TMC1: variants seen among roughly 807,000 people sequenced by gnomAD.
The protein encoded by TMC1 is transmembrane channel-like protein 1.
In TMC1, 84 loss-of-function variants were observed where a neutral mutation model predicts 105.8. That is an observed-to-expected ratio of 0.79 (90% confidence interval 0.67 to 0.95). The LOEUF is 0.95. Ranked by LOEUF, TMC1 falls within the 40% of genes least tolerant of loss-of-function variation. The probability of loss-of-function intolerance (pLI) is 0.00; values close to 1 mark genes in which losing one functional copy is unlikely to be tolerated. For missense variants in TMC1, 817 were observed against 914.1 expected, an observed-to-expected ratio of 0.89 and a Z score of 1.37; for synonymous variants, 315 against 311.5, an observed-to-expected ratio of 1.01 and a Z score of -0.12.
At chr9:72,615,503 T>C (rs1335700486) in intron 2 of TMC1, among the ~76,000 whole-genome samples, 2 of 152,198 alleles carry the variant, frequency 1.3e-5, no homozygotes, top group Non-Finnish European at 2.9e-5. Context: ...GTCCCATCTA[T>C]AGTACAAATA....
chr9:72,711,552 C>G (rs1196970429), intron 8 of TMC1, among the ~76,000 whole-genome samples: 1 of 152,170 alleles, frequency 6.6e-6, no homozygotes, highest in African/African-American at 2.4e-5. Flanking sequence ...TGTTGGTTGG[C>G]TGAATAAATG....
intron 1 of TMC1, among the ~76,000 whole-genome samples, chr9:72,531,342 T>A (rs1483052814): frequency 6.6e-6 from 1 of 152,194 alleles, no homozygotes; most frequent in African/African-American, 2.4e-5. Flanking sequence ...TAGACATTGT[T>A]TTTGGCAAAT....
At chr9:72,730,381 A>G (rs767542395) in intron 8 of TMC1, among the ~76,000 whole-genome samples, 24 of 152,142 alleles carry the variant, frequency 1.6e-4, no homozygotes, top group Non-Finnish European at 2.9e-4. Context: ...TGATGCTGCT[A>G]CTGAGGCCTT....
intron 2 of TMC1, among the ~76,000 whole-genome samples, chr9:72,592,072 C>CA (rs1007064111): frequency 6.6e-6 from 1 of 151,832 alleles, no homozygotes; most frequent in East Asian, 1.9e-4. Context: ...ACTGATCGAG[C>CA]AAAAAAACCA....
chr9:72,833,445 A>G (rs1276271773), intron 23 of TMC1, among the ~76,000 whole-genome samples: 1 of 152,102 alleles, frequency 6.6e-6, no homozygotes, highest in African/African-American at 2.4e-5. Flanking sequence ...CACTTCTCCA[A>G]TTTCAACTAG....
intron 12 of TMC1, among the ~76,000 whole-genome samples, chr9:72,767,122 A>C (rs1057016952): frequency 2.0e-5 from 3 of 152,210 alleles, no homozygotes; most frequent in East Asian, 3.8e-4. Context: ...GTTCATGCTA[A>C]GGTGTAAATA....
intron 4 of TMC1, among the ~76,000 whole-genome samples, chr9:72,639,059 G>GT (rs1171315299): frequency 4.0e-5 from 6 of 151,128 alleles, no homozygotes; most frequent in East Asian, 1.9e-4. Context: ...CTTCATTATT[G>GT]TTTTTTTTAA....
At chr9:72,686,385 C>T (rs1564490814) in intron 5 of TMC1, among the ~76,000 whole-genome samples, 1 of 152,190 alleles carries the variant, frequency 6.6e-6, no homozygotes. Context: ...GGGTTTGTAG[C>T]TCCCATTCAA....
chr9:72,659,316 G>A (rs1825933386), intron 5 of TMC1, among the ~76,000 whole-genome samples: 1 of 152,190 alleles, frequency 6.6e-6, no homozygotes, highest in Non-Finnish European at 1.5e-5. Context: ...GGGTGGAAAA[G>A]TGAAATTCAG....
chr9:72,551,439 G>A (rs561485026), intron 1 of TMC1, among the ~76,000 whole-genome samples: 1 of 152,282 alleles, frequency 6.6e-6, no homozygotes, highest in East Asian at 1.9e-4. Flanking sequence ...CCTGGTAAGG[G>A]CACTATGAGC....
intron 5 of TMC1, among the ~76,000 whole-genome samples, chr9:72,685,200 G>A (rs753119883): frequency 2.8e-5 from 4 of 140,620 alleles, no homozygotes; most frequent in Admixed American, 1.5e-4. Flanking sequence ...TCCGCCTCCC[G>A]GGTTCATACC....
chr9:72,698,738 AAG>A (rs1826593081), intron 7 of TMC1, among the ~76,000 whole-genome samples: 1 of 152,192 alleles, frequency 6.6e-6, no homozygotes, highest in Non-Finnish European at 1.5e-5. Flanking sequence ...GCGTAGAGGA[AAG>A]ACCCTAGGAG....
intron 1 of TMC1, among the ~76,000 whole-genome samples, chr9:72,558,233 T>C (rs992804515): frequency 6.6e-6 from 1 of 152,098 alleles, no homozygotes; most frequent in African/African-American, 2.4e-5. Context: ...AAAAATTAAA[T>C]TAAAATGCAA....
At chr9:72,806,405 C>A (rs925617732) in intron 18 of TMC1, among the ~76,000 whole-genome samples, 5 of 148,954 alleles carry the variant, frequency 3.4e-5, no homozygotes, top group Non-Finnish European at 6.0e-5. Context: ...GGGGCTGACG[C>A]CCCCACCTCC....
At position 72,792,057 on chromosome 9, in the gene TMC1, A is replaced by G; in HGVS notation, c.1396A>G (p.Asn466Asp). 4.3e-6 allele frequency: 7 copies of G among 1,614,138 alleles called. No individual in the cohort carries two copies. The highest frequency in any genetic ancestry group is 5.9e-6 in the Non-Finnish European group (7 of 1,180,004). Residue 466 changes from asparagine (N) to aspartate (D), a missense_variant, in exon 16 of 24, where the codon AAC becomes GAC. Asn to Asp is a conservative substitution (Grantham distance 23). Transcript: ENST00000297784. Reference protein sequence around the residue: ...VFILALMDEINNKIEEEKLVK... With the variant: ...VFILALMDEIDNKIEEEKLVK... Reference sequence around the variant, plus strand: ...TATTCTTGCATTAATGGATGAGATTAACAACAAGGTAAGCCTTGTTTCTGG... The same window carrying G: ...TATTCTTGCATTAATGGATGAGATTGACAACAAGGTAAGCCTTGTTTCTGG...
chr9:72,838,156 T>C lies in TMC1; in HGVS notation c.*2183T>C, dbSNP rs903110879. The C allele has an allele frequency of 3.9e-5, 6 of 152,254 alleles. No individual in the cohort carries two copies. Among genetic ancestry groups the C allele is most frequent in the Non-Finnish European group, 7.3e-5 (5 of 68,038 alleles). The allele number at this position is 152,254 out of a possible 1,614,324, so 9.4% of individuals were successfully genotyped here. ...AATTTAACTTACAGCAATTGTGTTATGAGACAAAAACTTCTGTTACCTGCA... is the reference window on the plus strand; with the variant it reads ...AATTTAACTTACAGCAATTGTGTTACGAGACAAAAACTTCTGTTACCTGCA... On this transcript the variant is annotated 3_prime_UTR_variant, in exon 24 of 24. Transcript: ENST00000297784.
At chr9:72,815,639 C>A (rs1480065569) in intron 18 of TMC1, among the ~76,000 whole-genome samples, 1 of 152,040 alleles carries the variant, frequency 6.6e-6, no homozygotes, top group Admixed American at 6.6e-5. Context: ...CATAAATATT[C>A]TTTCAAAATG....
chr9:72,809,078 T>G (rs1464060955), intron 18 of TMC1: 1 of 152,318 alleles, frequency 6.6e-6, no homozygotes, highest in Non-Finnish European at 1.5e-5. Flanking sequence ...TGGCTTGGTT[T>G]CATTTCTATT....
chr9:72,548,442 C>T (rs1028529678), intron 1 of TMC1, among the ~76,000 whole-genome samples: 3 of 151,896 alleles, frequency 2.0e-5, no homozygotes, highest in South Asian at 2.1e-4. Flanking sequence ...CATGGTCAGG[C>T]GCACGCCTGT....
Sources: gnomAD v4.1 joint callset for allele counts (sites outside exome capture counted in the v4.1 genomes callset) on GRCh38, gnomAD v4.1.1 for gene constraint, MANE v1.5 for transcripts, NCBI Gene and HGNC (gene_info 2026-07-23, HGNC 2026-07-21) for gene names.